Variants in DOCK4 observed in about 807,000 individuals in gnomAD.
DOCK4 encodes the protein dedicator of cytokinesis 4, also known as dedicator of cytokinesis protein 4.
Under a neutral mutation model 268.1 loss-of-function variants are expected in DOCK4, and 97 were observed. That is an observed-to-expected ratio of 0.36 (90% CI 0.31 to 0.43). DOCK4 has a LOEUF of 0.43. Among genes scored for constraint, DOCK4 ranks in the 20% least tolerant of loss-of-function variants. The pLI, the probability that DOCK4 is intolerant of heterozygous loss-of-function variation, is 1.00. For missense variants in DOCK4, 2,145 were observed against 2,455.7 expected (o/e 0.87, Z 2.67); for synonymous variants, 954 against 887.2 (o/e 1.08, Z -1.34).
intron 1 of DOCK4, among the ~76,000 whole-genome samples, chr7:112,151,220 G>A (rs914133407): frequency 1.3e-5 from 2 of 152,146 alleles, no homozygotes; most frequent in African/African-American, 4.8e-5. Context: ...TTTGGCATCA[G>A]AACGGGAGCT....
chr7:111,809,523 A>G, intron 28 of DOCK4, 122 bp from the exon 29 acceptor site: 1 of 725,492 alleles, frequency 1.4e-6, no homozygotes, highest in Admixed American at 2.2e-5. Flanking sequence ...AAGACTGACC[A>G]TGAGTTGATA....
At chr7:111,911,972 A>T (rs1411140805) in intron 13 of DOCK4, among the ~76,000 whole-genome samples, 4 of 152,166 alleles carry the variant, frequency 2.6e-5, no homozygotes, top group African/African-American at 7.2e-5. Context: ...ACAGTTCTAT[A>T]AACAGTCATT....
chr7:111,784,041 C>T (rs1798981931), intron 33 of DOCK4, 56 bp downstream of exon 33: 4 of 1,574,794 alleles, frequency 2.5e-6, no homozygotes, highest in Non-Finnish European at 3.4e-6. Context: ...ACCTTAAATG[C>T]CTTAGCAACC....
intron 41 of DOCK4, among the ~76,000 whole-genome samples, chr7:111,758,023 T>A (rs1052055559): frequency 6.6e-6 from 1 of 152,104 alleles, no homozygotes; most frequent in Non-Finnish European, 1.5e-5. Context: ...GGAAGGCGTG[T>A]TGGAACTACT....
intron 10 of DOCK4, among the ~76,000 whole-genome samples, chr7:111,940,458 G>A (rs187483940): frequency 1.0e-3 from 159 of 152,268 alleles, no homozygotes; most frequent in South Asian, 6.4e-3. Flanking sequence ...AATTCTGGGC[G>A]TCAGTTGCCA....
At chr7:112,197,612 C>T (rs564098870) in intron 1 of DOCK4, among the ~76,000 whole-genome samples, 2 of 152,270 alleles carry the variant, frequency 1.3e-5, no homozygotes, top group South Asian at 4.1e-4. Context: ...AAATGGACAG[C>T]TAATATTTCT....
intron 10 of DOCK4, among the ~76,000 whole-genome samples, chr7:111,941,822 A>G (rs905924479): frequency 9.2e-5 from 14 of 152,218 alleles, no homozygotes; most frequent in Admixed American, 6.5e-5. Flanking sequence ...GAATGGCAAA[A>G]TAAGGGAATA....
chr7:111,846,681 A>C (rs1804135584), intron 24 of DOCK4, among the ~76,000 whole-genome samples: 1 of 152,186 alleles, frequency 6.6e-6, no homozygotes. Flanking sequence ...GCAAGCAGTA[A>C]TTTATTCTTG....
In DOCK4 at chr7:111,976,157, A is replaced by ATATAT. The variant is rs59353212; in HGVS notation, c.701+974_701+975insATATA. 1.1e-3 allele frequency among the ~76,000 whole-genome samples: 85 copies of ATATAT among 78,850 alleles called. 5 individuals are homozygous for ATATAT. Among genetic ancestry groups the ATATAT allele is most frequent in the East Asian group, 4.2e-3 (9 of 2,134 alleles). The allele number at this position is 78,850 out of a possible 152,430, so 51.7% of individuals were successfully genotyped here. On this transcript the variant is annotated intron_variant, in intron 8 of 52. Coordinates refer to ENST00000428084, the MANE Select transcript of DOCK4 (RefSeq NM_001363540.2). ...CTCCATCTCAAAAAAAAAAAAAAAA[A>ATATAT]AAAAATATATATATATATATACACA...
chr7:112,020,607 C>T (rs1215315768), intron 1 of DOCK4, among the ~76,000 whole-genome samples: 2 of 150,256 alleles, frequency 1.3e-5, no homozygotes, highest in East Asian at 2.0e-4. Flanking sequence ...CTGAGAGCAC[C>T]GTAAGACCAT....
intron 30 of DOCK4, among the ~76,000 whole-genome samples, chr7:111,796,463 G>A (rs1799902118): frequency 6.6e-6 from 1 of 152,190 alleles, no homozygotes; most frequent in African/African-American, 2.4e-5. Context: ...CTGTGATGAG[G>A]AAAGTTCTGC....
chr7:111,985,648 C>T (rs1269743242), intron 6 of DOCK4, among the ~76,000 whole-genome samples: 2 of 152,184 alleles, frequency 1.3e-5, no homozygotes, highest in Non-Finnish European at 2.9e-5. Context: ...TAGGAGCTGT[C>T]TTTCAGATAG....
chr7:111,842,910 G>A (rs1803809966), intron 25 of DOCK4, among the ~76,000 whole-genome samples: 1 of 152,198 alleles, frequency 6.6e-6, no homozygotes, highest in South Asian at 2.1e-4. Context: ...TGTAGGCACT[G>A]TTCCCCTGAT....
chr7:111,869,523 A>G (rs1035815764), intron 21 of DOCK4, 51 bp downstream of exon 21: 2 of 1,536,708 alleles, frequency 1.3e-6, no homozygotes, highest in African/African-American at 1.4e-5. Flanking sequence ...TTTAAGCATC[A>G]GCATGCAACA....
intron 1 of DOCK4, among the ~76,000 whole-genome samples, chr7:112,198,106 T>C (rs914262035): frequency 3.9e-5 from 6 of 152,094 alleles, no homozygotes; most frequent in African/African-American, 1.4e-4. Context: ...ATTGAAACTG[T>C]AATCCTCAAT....
intron 13 of DOCK4, among the ~76,000 whole-genome samples, chr7:111,913,966 T>A (rs932701370): frequency 6.2e-4 from 94 of 152,138 alleles, no homozygotes; most frequent in African/African-American, 2.1e-3. Context: ...AGTCTTTCAC[T>A]ATTAAAGCAG....
Position 111,747,443 on chromosome 7 carries a change from C to T in DOCK4, c.4417G>A (p.Val1473Ile). 1 of 1,589,728 alleles carries T rather than the reference C, an allele frequency of 6.3e-7. No homozygotes were observed. The highest frequency in any genetic ancestry group is 8.6e-7 in the Non-Finnish European group (1 of 1,168,174). Residue 1473 changes from valine to isoleucine, a missense_variant and splice_region_variant, in exon 43 of 53, where the codon GTA (valine) becomes ATA (isoleucine). Transcript: ENST00000428084. ...RWFEVEKREV[V>I]EMSPLENAIE... is the part of the protein sequence containing the mutation. Reference sequence around the variant, plus strand: ...GCATTTTCCAGAGGACTCATTTCTACCTGAGAAGCAAATGAACATAAATAT... The same window carrying T: ...GCATTTTCCAGAGGACTCATTTCTATCTGAGAAGCAAATGAACATAAATAT...
chr7:111,781,172 T>G (rs1024447669), intron 35 of DOCK4, among the ~76,000 whole-genome samples: 2 of 152,198 alleles, frequency 1.3e-5, no homozygotes, highest in African/African-American at 4.8e-5. Context: ...AGAAAGAAGA[T>G]GGAAGAATGG....
chr7:111,734,388 T>C (rs1337280572), intron 51 of DOCK4, among the ~76,000 whole-genome samples: 1 of 152,198 alleles, frequency 6.6e-6, no homozygotes, highest in Non-Finnish European at 1.5e-5. Context: ...GGTTTTGTCA[T>C]GCTGCCCAGG....
Sources: gnomAD v4.1 joint callset for allele counts (sites outside exome capture counted in the v4.1 genomes callset) on GRCh38, gnomAD v4.1.1 for gene constraint, MANE v1.5 for transcripts, NCBI Gene and HGNC (gene_info 2026-07-23, HGNC 2026-07-21) for gene names.